Variants in CACNA1C observed in about 807,000 individuals in gnomAD.
The protein encoded by CACNA1C is calcium voltage-gated channel subunit alpha1 C.
A neutral mutation model predicts 229.0 loss-of-function variants in CACNA1C; 30 were observed. The observed-to-expected ratio is 0.13, with a 90% CI of 0.10 to 0.18. The LOEUF (loss-of-function observed/expected upper bound fraction) is 0.18, where lower values mean the gene tolerates loss of function less well. Ranked by LOEUF, CACNA1C falls within the 10% of genes least tolerant of loss-of-function variation. The probability of loss-of-function intolerance (pLI) is 1.00; values close to 1 mark genes in which losing one functional copy is unlikely to be tolerated. For synonymous variants in CACNA1C, 1,114 were observed against 1,132.5 expected (o/e 0.98, Z 0.33); for missense variants, 1,658 against 2,845.0 (o/e 0.58, Z 9.49).
intron 31 of CACNA1C, among the ~76,000 whole-genome samples, chr12:2,650,290 C>G (rs550500293): frequency 6.6e-6 from 1 of 152,284 alleles, no homozygotes; most frequent in East Asian, 1.9e-4. Context: ...CCTCTGACGC[C>G]TCATCAGGGT....
At chr12:1,977,799 T>C (rs1342527516) in intron 1 of CACNA1C, among the ~76,000 whole-genome samples, 1 of 152,236 alleles carries the variant, frequency 6.6e-6, no homozygotes, top group Non-Finnish European at 1.5e-5. Flanking sequence ...CTCATCATTG[T>C]TCTCTAAATT....
intron 43 of CACNA1C, among the ~76,000 whole-genome samples, chr12:2,685,042 A>G (rs1675235372): frequency 6.6e-6 from 1 of 152,218 alleles, no homozygotes; most frequent in Non-Finnish European, 1.5e-5. Flanking sequence ...TAATAAAAAT[A>G]GAACAGACTA....
At chr12:2,581,496 C>T in intron 13 of CACNA1C, 94 bp from the exon 14 acceptor site, 1 of 1,180,384 alleles carries the variant, frequency 8.5e-7, no homozygotes, top group South Asian at 1.6e-5. Context: ...GTGGCAGCTC[C>T]TCTGAGAACC....
At chr12:2,500,729 T>C (rs1463235115) in intron 7 of CACNA1C, among the ~76,000 whole-genome samples, 1 of 152,262 alleles carries the variant, frequency 6.6e-6, no homozygotes, top group Non-Finnish European at 1.5e-5. Flanking sequence ...GCAAGCTCCT[T>C]TGGGGTCGAA....
chr12:2,410,200 T>C lies in CACNA1C; in HGVS notation c.478-38776T>C, dbSNP rs1393331050. Among the ~76,000 whole-genome samples, 1 of 152,210 alleles carries C rather than the reference T, an allele frequency of 6.6e-6. No homozygotes were observed. The highest frequency in any genetic ancestry group is 2.4e-5 in the African/African-American group (1 of 41,456). On this transcript the variant is annotated intron_variant, in intron 3 of 46. Coordinates refer to ENST00000399655, the MANE Select transcript of CACNA1C (RefSeq NM_000719.7). This position sits in a 1 kb window ranked among gnomAD's most constrained non-coding sequence, Gnocchi z 5.3. ...GGGACAGGGTCCTTCCCCGCAGCACTGAGGCTTGGCCAGTCGTGATGCCTA... is the reference window on the plus strand; with the variant it reads ...GGGACAGGGTCCTTCCCCGCAGCACCGAGGCTTGGCCAGTCGTGATGCCTA...
At chr12:2,137,190 G>C (rs1298973111) in intron 3 of CACNA1C, among the ~76,000 whole-genome samples, 2 of 151,358 alleles carry the variant, frequency 1.3e-5, no homozygotes, top group Admixed American at 6.6e-5. Flanking sequence ...CCAGGATGTG[G>C]GATGGGTAGT....
At position 2,346,172 on chromosome 12, in the gene CACNA1C, G is replaced by A. The variant is rs948786864; in HGVS notation, c.478-102804G>A. On this transcript the variant is annotated intron_variant, in intron 3 of 46. Transcript: ENST00000399655. This position sits in a 1 kb window ranked among gnomAD's most constrained non-coding sequence, Gnocchi z 4.4. ...GATAGCCGTGGCTTGGTTGTCTGTGGGTGGAGCCGAGGAAGGCAGAGGTGT... is the reference window on the plus strand; with the variant it reads ...GATAGCCGTGGCTTGGTTGTCTGTGAGTGGAGCCGAGGAAGGCAGAGGTGT... Among the ~76,000 whole-genome samples, 3 of 152,096 alleles carry A rather than the reference G, an allele frequency of 2.0e-5. No homozygotes were observed. The highest frequency in any genetic ancestry group is 7.2e-5 in the African/African-American group (3 of 41,392).
At chr12:2,314,459 C>T (rs2095587941) in intron 3 of CACNA1C, among the ~76,000 whole-genome samples, 1 of 152,240 alleles carries the variant, frequency 6.6e-6, no homozygotes, top group Non-Finnish European at 1.5e-5. Context: ...GCACCCGGGT[C>T]AAGACACAGA....
At chr12:1,989,251 G>A (rs112737957) in intron 1 of CACNA1C, among the ~76,000 whole-genome samples, 4,174 of 152,262 alleles carry the variant, frequency 0.027, 96 homozygotes, top group Middle Eastern at 0.054. Flanking sequence ...TGGATATGGC[G>A]GTTTAGCCCA....
chr12:2,282,688 T>A (rs1210044455), intron 3 of CACNA1C, among the ~76,000 whole-genome samples: 1 of 152,138 alleles, frequency 6.6e-6, no homozygotes, highest in Non-Finnish European at 1.5e-5. Flanking sequence ...CTGCGGCAGG[T>A]CTCAGCAGAA....
intron 38 of CACNA1C, among the ~76,000 whole-genome samples, chr12:2,671,590 G>A (rs1311248731): frequency 2.0e-5 from 3 of 152,146 alleles, no homozygotes; most frequent in African/African-American, 7.2e-5. Context: ...GTTCCCTAGA[G>A]GAACAAAAGG....
intron 4 of CACNA1C, among the ~76,000 whole-genome samples, chr12:2,453,200 G>A (rs1386081358): frequency 6.6e-6 from 1 of 152,072 alleles, no homozygotes; most frequent in African/African-American, 2.4e-5. Context: ...CTGTGCCTGG[G>A]GGCCTCCATG....
At chr12:2,530,660 C>A (rs984030482) in intron 9 of CACNA1C, among the ~76,000 whole-genome samples, 1 of 152,178 alleles carries the variant, frequency 6.6e-6, no homozygotes, top group Non-Finnish European at 1.5e-5. Context: ...TTCAAGGGGG[C>A]ACAAAAGGGA....
chr12:2,105,733 C>T (rs1360322862), intron 1 of CACNA1C, among the ~76,000 whole-genome samples: 12 of 106,412 alleles, frequency 1.1e-4, no homozygotes, highest in Non-Finnish European at 1.9e-4. Flanking sequence ...AGCCACTGGG[C>T]GCCCACCCCG....
intron 3 of CACNA1C, among the ~76,000 whole-genome samples, chr12:2,234,621 C>T (rs1476312784): frequency 1.3e-5 from 2 of 152,048 alleles, no homozygotes; most frequent in East Asian, 3.9e-4. Context: ...TTAGTGCCTC[C>T]CTCCATTTTT....
intron 16 of CACNA1C, 89 bp downstream of exon 16, chr12:2,584,706 T>A: frequency 3.4e-6 from 3 of 874,410 alleles, no homozygotes; most frequent in African/African-American, 1.7e-5. Context: ...GCTTGACTGC[T>A]AGCCTCTGTT....
At chr12:2,148,157 T>A (rs951268880) in intron 3 of CACNA1C, among the ~76,000 whole-genome samples, 1 of 151,330 alleles carries the variant, frequency 6.6e-6, no homozygotes, top group African/African-American at 2.4e-5. Flanking sequence ...CCTAAATATA[T>A]CACTCTGCAG....
chr12:2,053,529 T>C lies in CACNA1C; in HGVS notation c.-34T>C. The stretch of plus-strand genomic sequence containing the variant: ...GTGTTTTCACATTTCTTCCTCTTCG[T>C]GGCTGCTCCTCCTATTAAAACCATT... On this transcript the variant is annotated 5_prime_UTR_variant, in exon 1 of 47. Transcript: ENST00000399655. This position sits in a 1 kb window ranked among gnomAD's most constrained non-coding sequence, Gnocchi z 5.8. 3 of 1,571,350 alleles carry C rather than the reference T, an allele frequency of 1.9e-6. No individual in the cohort carries two copies. Among genetic ancestry groups the C allele is most frequent in the Non-Finnish European group, 2.6e-6 (3 of 1,157,992 alleles).
At chr12:2,576,732 G>A (rs1032403567) in intron 13 of CACNA1C, among the ~76,000 whole-genome samples, 5 of 111,836 alleles carry the variant, frequency 4.5e-5, no homozygotes, top group African/African-American at 1.0e-4. Context: ...CTGCAGGACC[G>A]CCAGCTGTTT....
Sources: gnomAD v4.1 joint callset for allele counts (sites outside exome capture counted in the v4.1 genomes callset) on GRCh38, gnomAD v4.1.1 for gene constraint, Gnocchi (gnomAD v3.1) non-coding constraint, MANE v1.5 for transcripts, NCBI Gene and HGNC (gene_info 2026-07-23, HGNC 2026-07-21) for gene names.